PSMD14: variants seen among roughly 807,000 people sequenced by gnomAD.
PSMD14 encodes proteasome 26S subunit, non-ATPase 14.
Under a neutral mutation model 41.2 loss-of-function variants are expected in PSMD14, and 7 were observed. That is an observed-to-expected ratio of 0.17 (90% CI 0.10 to 0.32). The LOEUF (loss-of-function observed/expected upper bound fraction) is 0.32. Ranked by LOEUF, PSMD14 falls within the 10% of genes least tolerant of loss-of-function variation. The pLI is 1.00. For synonymous variants in PSMD14, 114 were observed against 122.3 expected (o/e 0.93, Z 0.45); for missense variants, 139 against 375.6 (o/e 0.37, Z 5.21).
At chr2:161,352,946 CA>C (rs1683139586) in intron 3 of PSMD14, among the ~76,000 whole-genome samples, 2 of 152,164 alleles carry the variant, frequency 1.3e-5, no homozygotes, top group Non-Finnish European at 2.9e-5. Context: ...CTCCTTTGAT[CA>C]GTGATCCAGC....
At chr2:161,396,916 C>G (rs986197228) in intron 10 of PSMD14, among the ~76,000 whole-genome samples, 13 of 152,114 alleles carry the variant, frequency 8.5e-5, no homozygotes, top group African/African-American at 2.9e-4. Context: ...CAACATCTGT[C>G]TCCTGTGTTC....
intron 2 of PSMD14, among the ~76,000 whole-genome samples, chr2:161,318,159 A>C (rs138127532): frequency 1.3e-5 from 2 of 152,306 alleles, no homozygotes; most frequent in African/African-American, 4.8e-5. Context: ...TTAGTGAAAA[A>C]GGTGTATATA....
intron 1 of PSMD14, among the ~76,000 whole-genome samples, chr2:161,312,626 A>G (rs935503379): frequency 6.6e-6 from 1 of 152,236 alleles, no homozygotes; most frequent in African/African-American, 2.4e-5. Flanking sequence ...TATGTTAGGT[A>G]TAAACACTTT....
At chr2:161,341,018 C>G (rs534052753) in intron 3 of PSMD14, 9 of 1,609,700 alleles carry the variant, frequency 5.6e-6, no homozygotes, top group Middle Eastern at 4.4e-4. Context: ...CCTCCGCCTC[C>G]GCTGGCGCCG....
At chr2:161,344,940 A>G (rs1683019019) in intron 3 of PSMD14, among the ~76,000 whole-genome samples, 2 of 152,206 alleles carry the variant, frequency 1.3e-5, no homozygotes, top group Admixed American at 6.5e-5. Context: ...TGCTTTTGAT[A>G]TCATGCTAAG....
At chr2:161,394,109 T>G (rs1683757584) in intron 9 of PSMD14, among the ~76,000 whole-genome samples, 1 of 150,944 alleles carries the variant, frequency 6.6e-6, no homozygotes. Flanking sequence ...GTAGCTGAGA[T>G]TACAGGCGTC....
At chr2:161,410,009 A>G (rs1450522907) in intron 11 of PSMD14, among the ~76,000 whole-genome samples, 1 of 152,056 alleles carries the variant, frequency 6.6e-6, no homozygotes, top group African/African-American at 2.4e-5. Flanking sequence ...TAGTTTCTTG[A>G]TACAGATTTA....
At chr2:161,341,203 G>A in intron 3 of PSMD14, 24 of 963,826 alleles carry the variant, frequency 2.5e-5, no homozygotes, top group Non-Finnish European at 3.0e-5. Flanking sequence ...GCGGGTTCCG[G>A]GGGCGCGCGG....
At chr2:161,408,758 C>T in intron 10 of PSMD14, 79 bp from the exon 11 acceptor site, 2 of 1,053,444 alleles carry the variant, frequency 1.9e-6, no homozygotes, top group South Asian at 1.5e-5. Context: ...TTCTGGTCAT[C>T]ATTATTTTTG....
At chr2:161,400,602 G>C (rs1683862386) in intron 10 of PSMD14, among the ~76,000 whole-genome samples, 1 of 152,088 alleles carries the variant, frequency 6.6e-6, no homozygotes, top group African/African-American at 2.4e-5. Context: ...CACTCAGTCT[G>C]GAGTACAATA....
chr2:161,333,302 A>G (rs1489313254), intron 3 of PSMD14, among the ~76,000 whole-genome samples: 2 of 152,166 alleles, frequency 1.3e-5, no homozygotes, highest in Non-Finnish European at 2.9e-5. Flanking sequence ...TCTGAGTGAC[A>G]TTTTCCCTTG....
intron 5 of PSMD14, among the ~76,000 whole-genome samples, chr2:161,369,692 G>T (rs1028777076): frequency 6.6e-6 from 1 of 152,046 alleles, no homozygotes. Context: ...GTATGTAAGA[G>T]ACTTGAGGCT....
intron 3 of PSMD14, among the ~76,000 whole-genome samples, chr2:161,339,110 C>T (rs780987673): frequency 3.3e-5 from 5 of 152,170 alleles, no homozygotes; most frequent in African/African-American, 4.8e-5. Context: ...ACATTATGTA[C>T]ATGACATTGT....
intron 7 of PSMD14, among the ~76,000 whole-genome samples, chr2:161,377,991 C>T (rs929385411): frequency 1.3e-5 from 2 of 151,816 alleles, no homozygotes; most frequent in South Asian, 2.1e-4. Context: ...GATTGAGAGG[C>T]GTTTTCAGAG....
At chr2:161,376,562 A>G (rs149439414) in intron 7 of PSMD14, among the ~76,000 whole-genome samples, 1 of 152,096 alleles carries the variant, frequency 6.6e-6, no homozygotes, top group Non-Finnish European at 1.5e-5. Context: ...CCCTTCTTAT[A>G]TTTTGTGCAT....
intron 3 of PSMD14, among the ~76,000 whole-genome samples, chr2:161,321,508 A>C (rs1017656446): frequency 6.6e-6 from 1 of 152,108 alleles, no homozygotes; most frequent in Non-Finnish European, 1.5e-5. Context: ...CAATTGACAC[A>C]AACCTGGCGG....
intron 3 of PSMD14, among the ~76,000 whole-genome samples, chr2:161,366,450 T>C (rs1029502659): frequency 1.3e-5 from 2 of 151,782 alleles, no homozygotes; most frequent in African/African-American, 4.8e-5. Context: ...TAGACCTATA[T>C]GTATGGAATG....
At chr2:161,372,936 CAT>C (rs755827651) in intron 7 of PSMD14, among the ~76,000 whole-genome samples, 14 of 151,842 alleles carry the variant, frequency 9.2e-5, no homozygotes, top group South Asian at 4.2e-4. Context: ...TATCTTGACT[CAT>C]GTGATGGTGG....
chr2:161,359,811 G>A (rs1683264055), intron 3 of PSMD14, among the ~76,000 whole-genome samples: 1 of 152,192 alleles, frequency 6.6e-6, no homozygotes, highest in African/African-American at 2.4e-5. Context: ...CTGAAAATGG[G>A]ATGGCGTACT....
Sources: allele counts gnomAD v4.1 joint callset (sites outside exome capture counted in the v4.1 genomes callset), GRCh38; gene constraint gnomAD v4.1.1; transcripts MANE v1.5; gene names NCBI Gene and HGNC (gene_info 2026-07-23, HGNC 2026-07-21).